ATP7A: variants seen among roughly 807,000 people sequenced by gnomAD.
ATP7A encodes the protein copper-transporting ATPase 1.
In ATP7A, 7 loss-of-function variants were observed where a neutral mutation model predicts 83.5. The observed-to-expected ratio is 0.08, with a 90% CI of 0.05 to 0.16. The LOEUF is 0.16. ATP7A is among the 10% of genes least tolerant of loss of function. The pLI is 1.00. For synonymous variants in ATP7A, 354 were observed against 395.2 expected (o/e 0.90, Z 1.24); for missense variants, 940 against 1,120.8 (o/e 0.84, Z 2.30).
At chrX:77,966,881 A>G (rs1301255065) in intron 1 of ATP7A, 1 of 318,141 alleles carries the variant, frequency 3.1e-6, no homozygotes, top group Non-Finnish European at 6.2e-6. Flanking sequence ...CTATTGACCC[A>G]TCCTTTAAGT....
At chrX:78,008,668 T>C (rs1260601449) in intron 6 of ATP7A, among the ~76,000 whole-genome samples, 3 of 110,831 alleles carry the variant, frequency 2.7e-5, no homozygotes, top group African/African-American at 6.6e-5. Context: ...TTGTTCAATG[T>C]GGTATAAAAA....
chrX:77,968,866 G>A (rs370972288), intron 1 of ATP7A: 89 of 1,208,773 alleles, frequency 7.4e-5, no homozygotes, highest in African/African-American at 4.7e-4. Context: ...TATCCTCCCC[G>A]CTGGCCTTCA....
At chrX:78,032,565 T>C (rs1292339818) in intron 16 of ATP7A, among the ~76,000 whole-genome samples, 1 of 112,322 alleles carries the variant, frequency 8.9e-6, no homozygotes, top group Non-Finnish European at 1.9e-5. Context: ...TCCTTAATTA[T>C]GAATAAGGTT....
At chrX:77,945,394 G>C (rs782628331) in intron 1 of ATP7A, among the ~76,000 whole-genome samples, 28 of 111,040 alleles carry the variant, frequency 2.5e-4, no homozygotes, top group Non-Finnish European at 5.3e-4. Context: ...TGCCCCGGCT[G>C]GTCTCAAATT....
intron 9 of ATP7A, among the ~76,000 whole-genome samples, chrX:78,012,059 T>A (rs1157802724): frequency 1.8e-5 from 2 of 110,784 alleles, no homozygotes; most frequent in Non-Finnish European, 3.8e-5. Flanking sequence ...TCCTTCTGCC[T>A]CAGCATTCTG....
Position 78,009,244 on chromosome X carries a change from A to G in ATP7A, c.1850A>G (p.Asp617Gly), listed in dbSNP as rs782528311. ...KYDPEIIGPR[D>G]IIHTIESLGF... ...GACCCAGAAATTATTGGTCCTAGAG[A>G]TATTATCCATACAATTGAAGTAAGT... The change falls in exon 7 of 23, where the codon GAT (aspartate) becomes GGT (glycine). Residue 617 changes from aspartate (D) to glycine (G), a missense_variant. By Grantham distance (94) the Asp-to-Gly change is moderately conservative. Coordinates refer to ENST00000341514, the MANE Select transcript of ATP7A (RefSeq NM_000052.7). 3 of 1,209,757 alleles carry G rather than the reference A, an allele frequency of 2.5e-6. No homozygotes were observed. The highest frequency in any genetic ancestry group is 3.0e-5 in the East Asian group (1 of 33,810).
chrX:77,961,207 T>C (rs1047185416), intron 1 of ATP7A, among the ~76,000 whole-genome samples: 7 of 112,017 alleles, frequency 6.2e-5, no homozygotes, highest in Admixed American at 3.8e-4. Context: ...TAATTTTTGT[T>C]TGTGCTCACA....
At chrX:77,926,530 C>A (rs2077242336) in intron 1 of ATP7A, among the ~76,000 whole-genome samples, 1 of 110,555 alleles carries the variant, frequency 9.0e-6, no homozygotes, top group African/African-American at 3.3e-5. Context: ...AGGGTTTCGC[C>A]ACATTGGCCA....
At chrX:77,942,578 TGGGACCACAGTCAC>T (rs2077357470) in intron 1 of ATP7A, among the ~76,000 whole-genome samples, 1 of 109,404 alleles carries the variant, frequency 9.1e-6, no homozygotes, top group Non-Finnish European at 1.9e-5. Flanking sequence ...CCTGTGTAGC[TGGGACCACAGTCAC>T]GTGCCACTAT....
chrX:78,028,279 T>C (rs1456775503), intron 14 of ATP7A, among the ~76,000 whole-genome samples: 2 of 109,261 alleles, frequency 1.8e-5, no homozygotes, highest in African/African-American at 6.7e-5. Context: ...ACCTCTGCCT[T>C]CCAGGTTCAA....
At position 78,040,603 on chromosome X, in the gene ATP7A, G is replaced by T; in HGVS notation, c.3671G>T (p.Gly1224Val). Residue 1224 changes from glycine (G) to valine (V), a missense_variant, in exon 19 of 23, where the codon GGC becomes GTC. Gly to Val is a moderately radical substitution (Grantham distance 109). Coordinates refer to ENST00000341514, the MANE Select transcript of ATP7A (RefSeq NM_000052.7). ...GCCCCTATATTAGATGAGCTGTGTG[G>T]CTTGATAGCCATTGCAGACACAGTG... ...VLVAVDDELC[G>V]LIAIADTVKP... The T allele has an allele frequency of 1.7e-6, 2 of 1,210,981 alleles. No individual in the cohort carries two copies. The highest frequency in any genetic ancestry group is 3.5e-5 in the African/African-American group (2 of 57,765).
intron 18 of ATP7A, among the ~76,000 whole-genome samples, chrX:78,039,861 C>A (rs1011067470): frequency 1.8e-5 from 2 of 111,942 alleles, no homozygotes; most frequent in African/African-American, 6.5e-5. Context: ...TATAATACTG[C>A]ATAATTTATC....
Position 78,020,291 on chromosome X carries a change from G to A in ATP7A, c.2674G>A (p.Gly892Ser). 1 of 1,211,728 alleles carries A rather than the reference G, an allele frequency of 8.3e-7. No homozygotes were observed. Residue 892 changes from glycine to serine, a missense_variant, in exon 13 of 23, where the codon GGT (glycine) becomes AGT (serine). Around this residue, in one of 3 missense-constraint regions of ATP7A, gnomAD observed 386 missense variants for 502.2 expected, o/e 0.77. Coordinates refer to ENST00000341514, the MANE Select transcript of ATP7A (RefSeq NM_000052.7). ...AKKPGSTVIA[G>S]SINQNGSLLI... ...GAAACCTGGCAGCACAGTGATTGCT[G>A]GTTCCATTAACCAGAACGGGTCACT... is the stretch of plus-strand genomic sequence containing the variant.
At chrX:77,941,750 C>T (rs1301693401) in intron 1 of ATP7A, among the ~76,000 whole-genome samples, 1 of 110,303 alleles carries the variant, frequency 9.1e-6, no homozygotes, top group Non-Finnish European at 1.9e-5. Flanking sequence ...ATTTTTTTTC[C>T]CAGTTATCTT....
intron 17 of ATP7A, among the ~76,000 whole-genome samples, 185 bp from the exon 18 acceptor site, chrX:78,038,651 A>G (rs1557237969): frequency 8.9e-6 from 1 of 111,980 alleles, no homozygotes. Context: ...CAATGTGTGC[A>G]AAGGCCCAGA....
intron 6 of ATP7A, among the ~76,000 whole-genome samples, chrX:78,008,520 A>G (rs1364635148): frequency 9.0e-6 from 1 of 111,398 alleles, no homozygotes; most frequent in Admixed American, 9.6e-5. Flanking sequence ...ATACTTCAGC[A>G]GGATGAAAAA....
intron 14 of ATP7A, among the ~76,000 whole-genome samples, chrX:78,028,736 G>C (rs2077963591): frequency 8.9e-6 from 1 of 112,403 alleles, no homozygotes; most frequent in South Asian, 3.6e-4. Context: ...TTTCCCACAT[G>C]AGCAAACACT....
At chrX:77,978,962 G>A (rs781859154) in intron 2 of ATP7A, among the ~76,000 whole-genome samples, 23 of 110,713 alleles carry the variant, frequency 2.1e-4, no homozygotes, top group Non-Finnish European at 2.6e-4. Flanking sequence ...CTCCCGAGTA[G>A]CTGGCATTAC....
chrX:77,989,734 T>G lies in ATP7A; in HGVS notation c.1112T>G (p.Val371Gly). Residue 371 changes from valine to glycine, a missense_variant, in exon 4 of 23, where the codon GTT becomes GGT. Coordinates refer to ENST00000341514, the MANE Select transcript of ATP7A (RefSeq NM_000052.7). ...SSLQKIPLNV[V>G]SQPLTQETVI... The stretch of plus-strand genomic sequence containing the variant: ...CTTCAGAAGATTCCTTTGAATGTAG[T>G]TAGCCAGCCTCTGACACAAGAAACT... 1 of 1,211,585 alleles carries G rather than the reference T, an allele frequency of 8.3e-7. No homozygotes were observed. Among genetic ancestry groups the G allele is most frequent in the Non-Finnish European group, 1.1e-6 (1 of 895,296 alleles).
Sources: gnomAD v4.1 joint callset for allele counts (sites outside exome capture counted in the v4.1 genomes callset) on GRCh38, gnomAD v4.1.1 for gene constraint, gnomAD v4.1.1 regional missense constraint, MANE v1.5 for transcripts, NCBI Gene and HGNC (gene_info 2026-07-23, HGNC 2026-07-21) for gene names.